RDH13: variants seen among roughly 807,000 people sequenced by gnomAD.
RDH13 encodes retinol dehydrogenase 13.
A neutral mutation model predicts 28.3 loss-of-function variants in RDH13; 35 were observed. The observed-to-expected ratio is 1.24, with a 90% CI of 0.95 to 1.64. The LOEUF (loss-of-function observed/expected upper bound fraction) is 1.64, where lower values mean the gene tolerates loss of function less well. Among genes scored for constraint, RDH13 ranks in the 40% most tolerant of loss-of-function variants. The probability of loss-of-function intolerance (pLI) is 0.00; values close to 1 mark genes in which losing one functional copy is unlikely to be tolerated. For missense variants in RDH13, 514 were observed against 446.3 expected, an observed-to-expected ratio of 1.15 and a Z score of -1.37; for synonymous variants, 229 against 198.5, an observed-to-expected ratio of 1.15 and a Z score of -1.29.
At chr19:55,049,933 TC>T (rs2075372626) in intron 3 of RDH13, among the ~76,000 whole-genome samples, 1 of 42,144 alleles carries the variant, frequency 2.4e-5, no homozygotes, top group African/African-American at 6.9e-5. Context: ...CCTCTCTCCC[TC>T]TTCCCTTCCT....
downstream of RDH13, chr19:55,040,796 C>G (rs1024057537): frequency 1.3e-5 from 2 of 152,334 alleles, no homozygotes; most frequent in South Asian, 4.1e-4. Context: ...ATGCTTATCC[C>G]TGCAGAATAC....
intron 3 of RDH13, among the ~76,000 whole-genome samples, chr19:55,051,741 TTC>T (rs1353611390): frequency 6.6e-6 from 1 of 151,142 alleles, no homozygotes; most frequent in African/African-American, 2.4e-5. Context: ...TTTTTTTTTT[TTC>T]TTTTTATGAG....
At chr19:55,064,133 T>A (rs949769189), upstream of RDH13, 3 of 152,132 alleles carry the variant, frequency 2.0e-5, no homozygotes, top group African/African-American at 7.2e-5. Flanking sequence ...TTTAAGACCT[T>A]AGTCAATGGC....
chr19:55,048,993 C>T (rs1232552177), intron 3 of RDH13, among the ~76,000 whole-genome samples: 3 of 152,082 alleles, frequency 2.0e-5, no homozygotes, highest in South Asian at 4.1e-4. Flanking sequence ...GGGGAGAAGG[C>T]CATGTGTGGA....
chr19:55,060,299 T>C (rs1226964829), intron 1 of RDH13, among the ~76,000 whole-genome samples: 1 of 151,186 alleles, frequency 6.6e-6, no homozygotes, highest in East Asian at 1.9e-4. Flanking sequence ...AGGCGAGACA[T>C]GTTTACAGCA....
chr19:55,048,485 G>A lies in RDH13; in HGVS notation c.502C>T (p.Arg168Trp), dbSNP rs752068987. 1.6e-5 allele frequency: 26 copies of A among 1,614,116 alleles called. No individual in the cohort carries two copies. Among genetic ancestry groups the A allele is most frequent in the Admixed American group, 5.0e-5 (3 of 59,998 alleles). ...LDKLKASAPS[R>W]IINLSSLAHV... The stretch of plus-strand genomic sequence containing the variant: ...GCCAGGGACGAGAGGTTGATGATCC[G>A]CGAAGGGGCTGAGGCTTTCAGCTTG... The change falls in exon 5 of 7, where the codon CGG becomes TGG. Residue 168 changes from arginine to tryptophan, a missense_variant. By Grantham distance (101) the Arg-to-Trp change is moderately radical (BLOSUM62 -3). Coordinates refer to ENST00000415061, the MANE Select transcript of RDH13 (RefSeq NM_001145971.2).
intron 1 of RDH13, among the ~76,000 whole-genome samples, chr19:55,062,489 C>T (rs1329102165): frequency 1.3e-5 from 2 of 152,138 alleles, no homozygotes; most frequent in African/African-American, 2.4e-5. Context: ...TGAGACCAGC[C>T]TGGCCAACAT....
At chr19:55,061,559 G>A (rs2075806877) in intron 1 of RDH13, among the ~76,000 whole-genome samples, 1 of 151,618 alleles carries the variant, frequency 6.6e-6, no homozygotes, top group African/African-American at 2.4e-5. Context: ...GGGAGGCCAA[G>A]ACAGGAGGAT....
At chr19:55,059,084 G>A in intron 2 of RDH13, 73 bp downstream of exon 2, 3 of 1,024,284 alleles carry the variant, frequency 2.9e-6, no homozygotes, top group Non-Finnish European at 3.0e-6. Context: ...TCCACCTCCG[G>A]ACTGTGAATA....
intron 3 of RDH13, among the ~76,000 whole-genome samples, chr19:55,051,270 G>A (rs1044261366): frequency 1.3e-5 from 2 of 152,162 alleles, no homozygotes; most frequent in East Asian, 1.9e-4. Context: ...AACTGGGACC[G>A]GGAAAATGAG....
downstream of RDH13, among the ~76,000 whole-genome samples, chr19:55,043,505 G>GT (rs1355732928): frequency 1.3e-5 from 1 of 79,496 alleles, no homozygotes; most frequent in Non-Finnish European, 2.9e-5. Flanking sequence ...CCAACATGGT[G>GT]ATACCGTCTT....
At position 55,044,969 on chromosome 19, in the gene RDH13, A is replaced by G. The variant is rs2075156447; in HGVS notation, c.*105T>C. 2.3e-6 allele frequency: 2 copies of G among 851,758 alleles called. No homozygotes were observed. Among genetic ancestry groups the G allele is most frequent in the African/African-American group, 1.7e-5 (1 of 58,566 alleles). The allele number at this position is 851,758 out of a possible 1,614,324, so 52.8% of individuals were successfully genotyped here. On this transcript the variant is annotated 3_prime_UTR_variant, in exon 7 of 7. Transcript: ENST00000415061. ...ACCTACTGCGGGCATGGCGGCCGCC[A>G]GTCCTGGGTCTCCCGGCTCAGGTAG...
rs761583267 is a variant in RDH13, at chr19:55,047,469, G to T, written c.678C>A (p.Asn226Lys). The T allele has an allele frequency of 6.2e-6, 10 of 1,608,260 alleles. No individual in the cohort carries two copies. Among genetic ancestry groups the T allele is most frequent in the South Asian group, 2.2e-5 (2 of 90,906 alleles). ...RRLQGSGVTV[N>K]ALHPGVARTE... ...TCCTGGCCACGCCGGGGTGCAGGGCGTTGACAGTCACACCAGAGCCTGGGG... is the reference window on the plus strand; with the variant it reads ...TCCTGGCCACGCCGGGGTGCAGGGCTTTGACAGTCACACCAGAGCCTGGGG... Residue 226 changes from asparagine to lysine, a missense_variant, in exon 6 of 7, where the codon AAC becomes AAA. Physicochemically the swap from Asn to Lys is moderately conservative, Grantham distance 94. Coordinates refer to ENST00000415061, the MANE Select transcript of RDH13 (RefSeq NM_001145971.2).
At chr19:55,062,877 C>T (rs2075849077) in intron 1 of RDH13, 91 bp downstream of exon 1, 2 of 1,150,486 alleles carry the variant, frequency 1.7e-6, no homozygotes, top group Admixed American at 8.2e-5. Flanking sequence ...GGCCTGGACC[C>T]GGGTGCGAGG....
chr19:55,059,235 T>C lies in RDH13; in HGVS notation c.106A>G (p.Ile36Val). 2.5e-6 allele frequency: 4 copies of C among 1,605,054 alleles called. No individual in the cohort carries two copies. Among genetic ancestry groups the C allele is most frequent in the Non-Finnish European group, 2.6e-6 (3 of 1,175,956 alleles). The change falls in exon 2 of 7, where the codon ATC (isoleucine) becomes GTC (valine). Residue 36 changes from isoleucine (I) to valine (V), a missense_variant. Transcript: ENST00000415061. ...GTCACGATGACCGTCTTCCCAGGGA[T>C]GGTGGCCTTGCTGGGGCAAGCCCCA... ...TGGACPSKAT[I>V]PGKTVIVTGA...
chr19:55,066,866 G>A (rs2075973429), upstream of RDH13, among the ~76,000 whole-genome samples: 1 of 152,046 alleles, frequency 6.6e-6, no homozygotes, highest in South Asian at 2.1e-4. Context: ...AGGAGCTCCA[G>A]TGGTCCCAGA....
intron 3 of RDH13, among the ~76,000 whole-genome samples, chr19:55,055,509 T>C (rs972929207): frequency 6.6e-6 from 1 of 151,936 alleles, no homozygotes; most frequent in African/African-American, 2.4e-5. Flanking sequence ...CAAACACATA[T>C]TTCTTTAACC....
chr19:55,047,631 T>G lies in RDH13; in HGVS notation c.659-143A>C, dbSNP rs2075282999. The G allele has an allele frequency of 2.9e-6, 4 of 1,381,012 alleles. No homozygotes were observed. In the Admixed American group the frequency reaches 8.2e-5, roughly 28 times the overall value. 85.5% of individuals were successfully genotyped at this position (1,381,012 alleles called of 1,614,324 possible). Reference sequence around the variant, plus strand: ...CCATCGTCCCTCTTGCTCTGGAATCTTAGTGAAGTGGTCTTATCTTGCGGA... The same window carrying G: ...CCATCGTCCCTCTTGCTCTGGAATCGTAGTGAAGTGGTCTTATCTTGCGGA... On this transcript the variant is annotated intron_variant, in intron 5 of 6. Transcript: ENST00000415061.
upstream of RDH13, among the ~76,000 whole-genome samples, chr19:55,066,644 CCTCTTT>C (rs367825637): frequency 0.073 from 10,771 of 148,196 alleles, 524 homozygotes; most frequent in Non-Finnish European, 0.1. Flanking sequence ...TCTCTCTCTC[CCTCTTT>C]CTCTTTCTCT....
Sources: gnomAD v4.1 joint callset for allele counts (sites outside exome capture counted in the v4.1 genomes callset) on GRCh38, gnomAD v4.1.1 for gene constraint, MANE v1.5 for transcripts, NCBI Gene and HGNC (gene_info 2026-07-23, HGNC 2026-07-21) for gene names.